The following PCDHGB5 variants were observed in gnomAD, a reference collection of about 807,000 sequenced individuals.
PCDHGB5 encodes the protein protocadherin gamma-B5.
In PCDHGB5, 48 loss-of-function variants were observed where a neutral mutation model predicts 62.9. The ratio of observed to expected loss-of-function variants is 0.76; its 90% CI spans 0.61 to 0.97. The LOEUF (loss-of-function observed/expected upper bound fraction) is 0.97. PCDHGB5 is among the 50% of genes least tolerant of loss of function. The pLI, the probability that PCDHGB5 is intolerant of heterozygous loss-of-function variation, is 0.00. For synonymous variants in PCDHGB5, 474 were observed against 511.2 expected (o/e 0.93, Z 0.98); for missense variants, 1,118 against 1,198.6 (o/e 0.93, Z 0.99).
At chr5:141,427,602 A>G (rs1415454468) in intron 1 of PCDHGB5, 1 of 685,668 alleles carries the variant, frequency 1.5e-6, no homozygotes, top group Non-Finnish European at 2.7e-6. Flanking sequence ...CACCCTACGC[A>G]TTGGTGAAGT....
Position 141,431,668 on chromosome 5 carries a change from A to C in PCDHGB5, c.2397+31144A>C. ...ATTGTAATTCAGGGACAATATCAAC[A>C]ATAGGGGAGTTGGACCACGAGGAGT... is the stretch of plus-strand genomic sequence containing the variant. On this transcript the variant is annotated intron_variant, in intron 1 of 3. Coordinates refer to ENST00000617380, the MANE Select transcript of PCDHGB5 (RefSeq NM_018925.3). This position sits in a 1 kb window ranked among gnomAD's most constrained non-coding sequence, Gnocchi z 4.8. The C allele has an allele frequency of 6.2e-7, 1 of 1,614,208 alleles. No individual in the cohort carries two copies. Among genetic ancestry groups the C allele is most frequent in the Non-Finnish European group, 8.5e-7 (1 of 1,180,036 alleles).
At chr5:141,421,895 G>C in intron 1 of PCDHGB5, 1 of 1,613,730 alleles carries the variant, frequency 6.2e-7, no homozygotes, top group Non-Finnish European at 8.5e-7. Context: ...GATCCCATCC[G>C]AAAGGGCGCA....
intron 1 of PCDHGB5, among the ~76,000 whole-genome samples, chr5:141,457,745 G>T (rs1039982528): frequency 6.6e-6 from 1 of 152,232 alleles, no homozygotes; most frequent in Non-Finnish European, 1.5e-5. Flanking sequence ...TTTTAAAGCT[G>T]AGCCCAGACA....
At chr5:141,467,571 A>G (rs1228156610) in intron 1 of PCDHGB5, among the ~76,000 whole-genome samples, 1 of 152,212 alleles carries the variant, frequency 6.6e-6, no homozygotes, top group South Asian at 2.1e-4. Flanking sequence ...ATGGCTATCC[A>G]GTTGTCCCAA....
chr5:141,416,523 C>G (rs2096035969), intron 1 of PCDHGB5: 1 of 152,064 alleles, frequency 6.6e-6, no homozygotes, highest in Admixed American at 6.6e-5. Flanking sequence ...TTCAGTGGCT[C>G]TTTAATGTAT....
In PCDHGB5 at chr5:141,432,661, C is replaced by T; in HGVS notation, c.2397+32137C>T. ...TGCGCACGGCGCGAGCCCTGCTGGACAGAGACGCGCTCAAGCAGAGCCTCG... is the reference window on the plus strand; with the variant it reads ...TGCGCACGGCGCGAGCCCTGCTGGATAGAGACGCGCTCAAGCAGAGCCTCG... On this transcript the variant is annotated intron_variant, in intron 1 of 3. Transcript: ENST00000617380. This position sits in a 1 kb window ranked among gnomAD's most constrained non-coding sequence, Gnocchi z 6.0. 3.1e-6 allele frequency: 5 copies of T among 1,613,886 alleles called. No homozygotes were observed. In the South Asian group the frequency reaches 5.5e-5, roughly 18 times the overall value.
rs537850909 is a variant in PCDHGB5 at position 141,441,865 on chromosome 5, G to A, written c.2397+41341G>A. ...CTTGGATATGGTGCTGCACGCCGCG[G>A]AGCCTGGCTACCTGGTCACCAAGGT... On this transcript the variant is annotated intron_variant, in intron 1 of 3. Coordinates refer to ENST00000617380, the MANE Select transcript of PCDHGB5 (RefSeq NM_018925.3). The A allele has an allele frequency of 4.0e-4, 138 of 345,718 alleles. 1 individual carries two copies. The Admixed American group carries it at 4.6e-3, about 12-fold the overall frequency. The allele number at this position is 345,718 out of a possible 1,614,324, so 21.4% of individuals were successfully genotyped here. A position where few individuals can be genotyped will look rare whatever the true frequency, so the allele number is the denominator to read the frequency against.
chr5:141,416,747 T>A (rs920641906), intron 1 of PCDHGB5: 2 of 152,240 alleles, frequency 1.3e-5, no homozygotes, highest in African/African-American at 4.8e-5. Flanking sequence ...AATAGTGACG[T>A]ATTAGGTAGA....
chr5:141,493,336 A>G lies in PCDHGB5; in HGVS notation c.2398-1471A>G, dbSNP rs1049621539. Among the ~76,000 whole-genome samples, 4 of 152,202 alleles carry G rather than the reference A, an allele frequency of 2.6e-5. No homozygotes were observed. Among genetic ancestry groups the G allele is most frequent in the African/African-American group, 9.7e-5 (4 of 41,450 alleles). On this transcript the variant is annotated intron_variant, in intron 1 of 3. Transcript: ENST00000617380. The surrounding 1 kb of genome is among the most constrained non-coding windows in gnomAD (Gnocchi z 4.3). ...GAGATTCTAACCCCTGTCTAACTCC[A>G]GAATGTGTGCTTTTAATTTCTTGGC...
In PCDHGB5 at chr5:141,477,798, A is replaced by G; in HGVS notation, c.2398-17009A>G. On this transcript the variant is annotated intron_variant, in intron 1 of 3. Transcript: ENST00000617380. The surrounding 1 kb of genome is among the most constrained non-coding windows in gnomAD (Gnocchi z 4.9). ...GTGAACATATTTGTCACTGATCGCA[A>G]TGACAATGCCCCCCAGGTCCTATAT... The G allele has an allele frequency of 6.2e-7, 1 of 1,614,140 alleles. No homozygotes were observed. The highest frequency in any genetic ancestry group is 8.5e-7 in the Non-Finnish European group (1 of 1,180,038).
rs558730748 is a variant in PCDHGB5, at chr5:141,469,995, G to A, written c.2398-24812G>A. Reference sequence around the variant, plus strand: ...AAAATACAAAAATTAGCTGGTCGTCGTGGCACGCCTGTAATCCCAGCTACT... The same window carrying A: ...AAAATACAAAAATTAGCTGGTCGTCATGGCACGCCTGTAATCCCAGCTACT... On this transcript the variant is annotated intron_variant, in intron 1 of 3. Coordinates refer to ENST00000617380, the MANE Select transcript of PCDHGB5 (RefSeq NM_018925.3). Among the ~76,000 whole-genome samples, 8 of 152,194 alleles carry A rather than the reference G, an allele frequency of 5.3e-5. No homozygotes were observed. In the East Asian group the frequency reaches 5.8e-4, roughly 11 times the overall value.
chr5:141,489,112 A>C lies in PCDHGB5; in HGVS notation c.2398-5695A>C. 3 of 412,420 alleles carry C rather than the reference A, an allele frequency of 7.3e-6. No individual in the cohort carries two copies. Among genetic ancestry groups the C allele is most frequent in the South Asian group, 4.2e-5 (1 of 23,838 alleles). The allele number at this position is 412,420 out of a possible 1,614,324, so 25.5% of individuals were successfully genotyped here. ...TGACTAAGAACTGCTGCAAGCAGGC[A>C]AACCTCCGAGCAGTTTTTAAGAGGC... is the stretch of plus-strand genomic sequence containing the variant. On this transcript the variant is annotated intron_variant, in intron 1 of 3. Coordinates refer to ENST00000617380, the MANE Select transcript of PCDHGB5 (RefSeq NM_018925.3). The surrounding 1 kb of genome is among the most constrained non-coding windows in gnomAD (Gnocchi z 4.5).
chr5:141,420,422 A>C, intron 1 of PCDHGB5: 1 of 1,196,438 alleles, frequency 8.4e-7, no homozygotes, highest in Non-Finnish European at 1.1e-6. Context: ...TATTAAAACA[A>C]AAGTTTAAAT....
chr5:141,471,408 T>C (rs951728688), intron 1 of PCDHGB5: 1 of 152,166 alleles, frequency 6.6e-6, no homozygotes, highest in Non-Finnish European at 1.5e-5. Flanking sequence ...CTAGGCTTAG[T>C]TATGTTTTTA....
At chr5:141,455,270 A>T (rs2098818132) in intron 1 of PCDHGB5, among the ~76,000 whole-genome samples, 1 of 151,958 alleles carries the variant, frequency 6.6e-6, no homozygotes, top group South Asian at 2.1e-4. Context: ...CTTCCCATTG[A>T]TTATTAACAT....
intron 1 of PCDHGB5, chr5:141,478,782 T>C: frequency 6.7e-7 from 1 of 1,485,212 alleles, no homozygotes. Context: ...GTGGACCTAA[T>C]TCACATCCTC....
chr5:141,497,919 T>G (rs762168347), intron 2 of PCDHGB5, among the ~76,000 whole-genome samples: 11 of 152,206 alleles, frequency 7.2e-5, no homozygotes, highest in Non-Finnish European at 1.6e-4. Flanking sequence ...TCTCCTTCAT[T>G]CATTCAACAA....
chr5:141,474,403 C>G (rs553745731), intron 1 of PCDHGB5, among the ~76,000 whole-genome samples: 6 of 152,166 alleles, frequency 3.9e-5, no homozygotes, highest in Non-Finnish European at 5.9e-5. Context: ...ACAAGCTCCC[C>G]GGTGATGCCT....
Position 141,485,955 on chromosome 5 carries a change from T to C in PCDHGB5, c.2398-8852T>C. 1 of 1,614,152 alleles carries C rather than the reference T, an allele frequency of 6.2e-7. No homozygotes were observed. Among genetic ancestry groups the C allele is most frequent in the Non-Finnish European group, 8.5e-7 (1 of 1,180,018 alleles). On this transcript the variant is annotated intron_variant, in intron 1 of 3. Transcript: ENST00000617380. This position sits in a 1 kb window ranked among gnomAD's most constrained non-coding sequence, Gnocchi z 5.7. ...GAGAGCGCACCAGCGGGCATGGTGC[T>C]CATCCAGCTCAATGCCTCAGACCCG...
Sources: gnomAD v4.1 joint callset for allele counts (sites outside exome capture counted in the v4.1 genomes callset) on GRCh38, gnomAD v4.1.1 for gene constraint, Gnocchi (gnomAD v3.1) non-coding constraint, MANE v1.5 for transcripts, NCBI Gene and HGNC (gene_info 2026-07-23, HGNC 2026-07-21) for gene names.